SCGB2A2: variants seen among roughly 807,000 people sequenced by gnomAD.
SCGB2A2 encodes mammaglobin-A.
In SCGB2A2, 11 loss-of-function variants were observed where a neutral mutation model predicts 8.8. That is an observed-to-expected ratio of 1.25 (90% CI 0.79 to 2.07). The LOEUF is 2.07. SCGB2A2 is among the 30% of genes most tolerant of loss of function. SCGB2A2 has a pLI of 0.00. For missense variants in SCGB2A2, 113 were observed against 109.9 expected, an observed-to-expected ratio of 1.03 and a Z score of -0.13; for synonymous variants, 42 against 40.9, an observed-to-expected ratio of 1.03 and a Z score of -0.10.
chr11:62,270,416 G>T (rs1266459638), intron 1 of SCGB2A2, 145 bp downstream of exon 1: 1 of 772,334 alleles, frequency 1.3e-6, no homozygotes, highest in Non-Finnish European at 2.1e-6. Context: ...TGTTGCCCAG[G>T]CTGGTCTTGA....
chr11:62,271,115 G>A (rs769134446), intron 2 of SCGB2A2, 47 bp downstream of exon 2: 1 of 1,612,716 alleles, frequency 6.2e-7, no homozygotes, highest in South Asian at 1.1e-5. Flanking sequence ...CCTGACCAGG[G>A]ACAAGTGGGC....
At chr11:62,271,108 G>T (rs749558588) in intron 2 of SCGB2A2, 40 bp downstream of exon 2, 83 of 1,613,000 alleles carry the variant, frequency 5.1e-5, no homozygotes, top group Non-Finnish European at 6.6e-5. Flanking sequence ...TAAATCCCCT[G>T]ACCAGGGACA....
chr11:62,271,381 A>G (rs1454218431), intron 2 of SCGB2A2: 19 of 1,432,630 alleles, frequency 1.3e-5, no homozygotes, highest in Admixed American at 2.9e-5. Context: ...ACACAATCAC[A>G]CAAACACAGA....
intron 2 of SCGB2A2, 154 bp downstream of exon 2, chr11:62,271,222 T>C: frequency 1.3e-6 from 2 of 1,521,924 alleles, no homozygotes; most frequent in South Asian, 1.2e-5. Flanking sequence ...GACTTTGCCA[T>C]CAAGAAAAAC....
chr11:62,272,978 CT>C lies in SCGB2A2; in HGVS notation c.268del (p.Cys90ValfsTer54), dbSNP rs1182389843. ...CTAGCAATTAATATATGACAGCAGT[CT>C]TTGTGATTTATTTTAACTTTCTGCA... ...VFMQLIYDSS[L>X]CDLF On this transcript the variant is annotated frameshift_variant, in exon 3 of 3. Transcript: ENST00000227918. LOFTEE classifies it high-confidence loss of function. 6.2e-7 allele frequency: 1 copy of C among 1,608,162 alleles called. No homozygotes were observed. The highest frequency in any genetic ancestry group is 1.7e-5 in the Admixed American group (1 of 59,188).
intron 2 of SCGB2A2, chr11:62,271,864 A>G (rs144440010): frequency 1.3e-5 from 13 of 985,382 alleles, no homozygotes; most frequent in Middle Eastern, 1.0e-3. Flanking sequence ...AATGATGAGA[A>G]ACCTTGGACT....
chr11:62,271,432 C>T (rs1352339039), intron 2 of SCGB2A2: 3 of 1,389,498 alleles, frequency 2.2e-6, no homozygotes, highest in Non-Finnish European at 2.8e-6. Context: ...AACACACAGA[C>T]ACAGTCACAA....
intron 2 of SCGB2A2, chr11:62,271,579 C>T: frequency 9.4e-7 from 1 of 1,058,542 alleles, no homozygotes; most frequent in Non-Finnish European, 1.1e-6. Flanking sequence ...AACCACACAA[C>T]CACAGAAACA....
chr11:62,272,114 A>C, intron 2 of SCGB2A2: 1 of 426,958 alleles, frequency 2.3e-6, no homozygotes, highest in Non-Finnish European at 3.1e-6. Flanking sequence ...ACATCACCTC[A>C]GGAAACCCTG....
intron 1 of SCGB2A2, 114 bp downstream of exon 1, chr11:62,270,385 T>A: frequency 1.0e-6 from 1 of 970,968 alleles, no homozygotes; most frequent in South Asian, 1.4e-5. Context: ...ACAAAGGCTG[T>A]AGGTATAACA....
chr11:62,270,551 A>C (rs528909489), intron 1 of SCGB2A2, among the ~76,000 whole-genome samples: 6 of 152,340 alleles, frequency 3.9e-5, no homozygotes, highest in Middle Eastern at 3.4e-3. Flanking sequence ...GTAATAGTGA[A>C]GCATCGTATG....
chr11:62,271,591 A>G, intron 2 of SCGB2A2: 1 of 1,049,716 alleles, frequency 9.5e-7, no homozygotes, highest in East Asian at 7.1e-5. Context: ...ACAGAAACAC[A>G]GAGACACACA....
Position 62,271,085 on chromosome 11 carries a change from C to T in SCGB2A2, c.243+17C>T. The T allele has an allele frequency of 6.2e-7, 1 of 1,614,072 alleles. No individual in the cohort carries two copies. The highest frequency in any genetic ancestry group is 1.1e-5 in the South Asian group (1 of 91,086). On this transcript the variant is annotated intron_variant, in intron 2 of 2. Coordinates refer to ENST00000227918, the MANE Select transcript of SCGB2A2 (RefSeq NM_002411.4). ...GTGTTTATGGTAATTTCATTTTCTT[C>T]CTATAAGCTTTTTAAATCCCCTGAC... is the stretch of plus-strand genomic sequence containing the variant.
chr11:62,271,713 C>CA (rs1432798213), intron 2 of SCGB2A2: 3 of 985,140 alleles, frequency 3.0e-6, no homozygotes, highest in African/African-American at 3.5e-5. Context: ...TTCTCTTCTT[C>CA]AAAAAAAAGT....
In SCGB2A2 at chr11:62,270,830, A is replaced by G. The variant is rs371996054; in HGVS notation, c.56-51A>G. ...TGAGGAATGTAATAGGTCTGCCCCA[A>G]GCCTTTCATGCCTTCTGTACCAAGC... On this transcript the variant is annotated intron_variant, in intron 1 of 2. Transcript: ENST00000227918. 312 of 1,450,244 alleles carry G rather than the reference A, an allele frequency of 2.2e-4. No homozygotes were observed. In the African/African-American group the frequency reaches 3.8e-3, roughly 18 times the overall value. The allele number at this position is 1,450,244 out of a possible 1,614,324, so 89.8% of individuals were successfully genotyped here.
At chr11:62,271,278 GAT>G in intron 2 of SCGB2A2, 1 of 1,458,784 alleles carries the variant, frequency 6.9e-7, no homozygotes, top group Non-Finnish European at 9.0e-7. Flanking sequence ...ATCCTCAGTG[GAT>G]GATAAATGAA....
intron 2 of SCGB2A2, chr11:62,271,781 G>C (rs987091718): frequency 1.0e-6 from 1 of 985,550 alleles, no homozygotes; most frequent in Non-Finnish European, 1.2e-6. Flanking sequence ...AATACCATTT[G>C]AGCAAGATTC....
intron 2 of SCGB2A2, chr11:62,271,626 C>A: frequency 2.0e-5 from 20 of 1,012,410 alleles, no homozygotes; most frequent in Non-Finnish European, 2.4e-5. Flanking sequence ...CACACACATA[C>A]AAACATATGT....
intron 2 of SCGB2A2, chr11:62,271,452 C>G (rs1945278421): frequency 7.4e-7 from 1 of 1,351,758 alleles, no homozygotes; most frequent in African/African-American, 1.5e-5. Context: ...ATCACACAAA[C>G]ACACACACAT....
Sources: gnomAD v4.1 joint callset for allele counts (sites outside exome capture counted in the v4.1 genomes callset) on GRCh38, gnomAD v4.1.1 for gene constraint, MANE v1.5 for transcripts, NCBI Gene and HGNC (gene_info 2026-07-23, HGNC 2026-07-21) for gene names.